Variants in NAALADL2 observed in about 807,000 individuals in gnomAD.
NAALADL2 encodes the protein inactive N-acetylated-alpha-linked acidic dipeptidase-like protein 2.
NAALADL2 carries 76 observed loss-of-function variants against 87.2 expected under a neutral mutation model. The ratio of observed to expected loss-of-function variants is 0.87; its 90% CI spans 0.72 to 1.05. NAALADL2 has a LOEUF of 1.05. Among genes scored for constraint, NAALADL2 ranks in the 50% least tolerant of loss-of-function variants. The pLI, the probability that NAALADL2 is intolerant of heterozygous loss-of-function variation, is 0.00. For synonymous variants in NAALADL2, 354 were observed against 331.0 expected (o/e 1.07, Z -0.75); for missense variants, 1,089 against 945.8 (o/e 1.15, Z -1.99).
At chr3:175,065,942 C>A in intron 1 of NAALADL2, among the ~76,000 whole-genome samples, 1 of 152,140 alleles carries the variant, frequency 6.6e-6, no homozygotes, top group East Asian at 1.9e-4. Context: ...TCTCACATAA[C>A]GGTATTCGGT....
intron 1 of NAALADL2, among the ~76,000 whole-genome samples, chr3:175,036,445 G>A (rs1580133777): frequency 6.6e-6 from 1 of 151,420 alleles, no homozygotes; most frequent in South Asian, 2.1e-4. Context: ...TGTCACCCAG[G>A]CTGGAATGCA....
In NAALADL2 at chr3:175,804,452, A is replaced by AT. The variant is rs1754527020; in HGVS notation, c.*1251dup. The AT allele has an allele frequency of 6.6e-6, 1 of 151,864 alleles. No individual in the cohort carries two copies. The highest frequency in any genetic ancestry group is 2.1e-4 in the South Asian group (1 of 4,830). 9.4% of individuals were successfully genotyped at this position (151,864 alleles called of 1,614,324 possible). On this transcript the variant is annotated 3_prime_UTR_variant, in exon 14 of 14. Transcript: ENST00000454872. ...TTGAATAGCTCTAGCAACTATTATT[A>AT]TTCCCCCAAACCCTAAAATTCTACC...
chr3:174,814,912 T>C (rs773605699), intron 3 of NAALADL2, among the ~76,000 whole-genome samples: 18 of 152,308 alleles, frequency 1.2e-4, no homozygotes, highest in Middle Eastern at 3.4e-3. Flanking sequence ...ATTTTTATGC[T>C]GTAGGTAAAT....
chr3:174,728,384 T>C (rs1273154274), intron 2 of NAALADL2, among the ~76,000 whole-genome samples: 1 of 151,998 alleles, frequency 6.6e-6, no homozygotes, highest in Non-Finnish European at 1.5e-5. Context: ...TTGGAAGGAA[T>C]GGAAGAAGTT....
At chr3:174,934,971 A>G (rs980060411) in intron 1 of NAALADL2, among the ~76,000 whole-genome samples, 3 of 151,606 alleles carry the variant, frequency 2.0e-5, no homozygotes, top group South Asian at 4.2e-4. Flanking sequence ...AAAAATACTA[A>G]TGTATTTTTA....
intron 1 of NAALADL2, among the ~76,000 whole-genome samples, chr3:175,003,121 C>A (rs1748467169): frequency 1.3e-5 from 2 of 152,202 alleles, no homozygotes; most frequent in Admixed American, 1.3e-4. Flanking sequence ...TTCTGCTCAT[C>A]CTCCAGCTGA....
At chr3:175,711,996 A>G (rs1740589467) in intron 11 of NAALADL2, among the ~76,000 whole-genome samples, 1 of 151,964 alleles carries the variant, frequency 6.6e-6, no homozygotes, top group Non-Finnish European at 1.5e-5. Flanking sequence ...CAAAAGTTGC[A>G]CTATCCATAT....
chr3:174,716,291 T>C (rs1459818352), intron 2 of NAALADL2, among the ~76,000 whole-genome samples: 3 of 152,110 alleles, frequency 2.0e-5, no homozygotes, highest in Non-Finnish European at 4.4e-5. Context: ...GATATGCATG[T>C]ATCTAAGGAA....
intron 9 of NAALADL2, among the ~76,000 whole-genome samples, chr3:175,513,007 C>A (rs1731362784): frequency 6.6e-6 from 1 of 152,162 alleles, no homozygotes; most frequent in African/African-American, 2.4e-5. Context: ...TTACAAGAAG[C>A]TACTCTAAAA....
At chr3:175,055,846 G>C (rs1043794598) in intron 1 of NAALADL2, among the ~76,000 whole-genome samples, 2 of 152,144 alleles carry the variant, frequency 1.3e-5, no homozygotes, top group African/African-American at 2.4e-5. Context: ...GCCATTGCCT[G>C]TGCCAACAAA....
chr3:175,255,391 A>G (rs1353195363), intron 3 of NAALADL2, among the ~76,000 whole-genome samples: 1 of 152,200 alleles, frequency 6.6e-6, no homozygotes, highest in African/African-American at 2.4e-5. Flanking sequence ...ATTAGTTTCA[A>G]TCGAGAAGGA....
intron 1 of NAALADL2, among the ~76,000 whole-genome samples, chr3:174,863,585 A>C (rs1309601277): frequency 2.0e-5 from 3 of 152,034 alleles, no homozygotes; most frequent in Non-Finnish European, 2.9e-5. Context: ...AAAGAAAAAA[A>C]AAACAACTCT....
intron 2 of NAALADL2, chr3:174,551,291 C>T (rs767703865): frequency 7.9e-5 from 12 of 152,118 alleles, no homozygotes; most frequent in Admixed American, 5.9e-4. Flanking sequence ...GCTAATGTAG[C>T]ACATATAAGG....
In NAALADL2 at chr3:174,567,973, A is replaced by G. The variant is rs147481974; in HGVS notation, c.-115+17336A>G. On this transcript the variant is annotated intron_variant, in intron 2 of 3. Coordinates refer to the NAALADL2 transcript ENST00000434257. The stretch of plus-strand genomic sequence containing the variant: ...ACCACCTCTCTATTTGTTCAATATT[A>G]TTTCTATGTGTTGGAGATGAGTATT... Among the ~76,000 whole-genome samples, 4 of 151,840 alleles carry G rather than the reference A, an allele frequency of 2.6e-5. No individual in the cohort carries two copies. In the East Asian group the frequency reaches 7.7e-4, roughly 29 times the overall value.
At chr3:175,263,824 G>A (rs1234901880) in intron 4 of NAALADL2, among the ~76,000 whole-genome samples, 2 of 151,416 alleles carry the variant, frequency 1.3e-5, no homozygotes, top group African/African-American at 4.8e-5. Flanking sequence ...AAGTACCCAT[G>A]TTTCAGAAAT....
intron 3 of NAALADL2, among the ~76,000 whole-genome samples, chr3:174,848,261 G>A (rs1483684142): frequency 6.6e-6 from 1 of 151,858 alleles, no homozygotes; most frequent in African/African-American, 2.4e-5. Context: ...TTTCACAAAT[G>A]TCTTCCTTTG....
chr3:175,615,790 G>A (rs965727965), intron 10 of NAALADL2, among the ~76,000 whole-genome samples: 7 of 151,326 alleles, frequency 4.6e-5, no homozygotes, highest in Non-Finnish European at 8.8e-5. Flanking sequence ...TCAGGATGCG[G>A]TGGGTGCAGT....
chr3:175,223,094 C>CTGTG (rs71626203), intron 2 of NAALADL2, among the ~76,000 whole-genome samples: 4,772 of 147,544 alleles, frequency 0.032, 136 homozygotes, highest in African/African-American at 0.066. Context: ...CATAGTTACT[C>CTGTG]TGTGTGTGTG....
At chr3:175,111,644 TCA>T (rs1724214469) in intron 2 of NAALADL2, among the ~76,000 whole-genome samples, 1 of 151,706 alleles carries the variant, frequency 6.6e-6, no homozygotes, top group Admixed American at 6.6e-5. Context: ...AAGCAAAGGC[TCA>T]GACTTCAGCG....
Sources: gnomAD v4.1 joint callset for allele counts (sites outside exome capture counted in the v4.1 genomes callset) on GRCh38, gnomAD v4.1.1 for gene constraint, MANE v1.5 for transcripts, NCBI Gene and HGNC (gene_info 2026-07-23, HGNC 2026-07-21) for gene names.